PHACTR3: variants seen among roughly 807,000 people sequenced by gnomAD.
The protein encoded by PHACTR3 is phosphatase and actin regulator 3.
PHACTR3 carries 16 observed loss-of-function variants against 66.8 expected under a neutral mutation model. The ratio of observed to expected loss-of-function variants is 0.24; its 90% CI spans 0.16 to 0.36. PHACTR3 has a LOEUF of 0.36. PHACTR3 is among the 10% of genes least tolerant of loss of function. The probability of loss-of-function intolerance (pLI) is 1.00; values close to 1 mark genes in which losing one functional copy is unlikely to be tolerated. For missense variants in PHACTR3, 647 were observed against 719.9 expected, an observed-to-expected ratio of 0.90 and a Z score of 1.16; for synonymous variants, 323 against 292.1, an observed-to-expected ratio of 1.11 and a Z score of -1.08.
intron 1 of PHACTR3, among the ~76,000 whole-genome samples, chr20:59,651,254 T>G (rs2035449363): frequency 6.6e-6 from 1 of 152,146 alleles, no homozygotes; most frequent in South Asian, 2.1e-4. Flanking sequence ...AAATACATCC[T>G]CCCATTACAT....
chr20:59,636,783 A>G (rs1035339975), intron 1 of PHACTR3, among the ~76,000 whole-genome samples: 2 of 152,236 alleles, frequency 1.3e-5, no homozygotes, highest in African/African-American at 4.8e-5. Context: ...ATGATTATTA[A>G]TACAGTGATG....
Position 59,847,142 on chromosome 20 carries a change from T to C in PHACTR3, c.*12T>C. The C allele has an allele frequency of 6.6e-7, 1 of 1,513,728 alleles. No individual in the cohort carries two copies. The highest frequency in any genetic ancestry group is 9.1e-7 in the Non-Finnish European group (1 of 1,095,210). 93.8% of individuals were successfully genotyped at this position (1,513,728 alleles called of 1,614,324 possible). A position where few individuals can be genotyped will look rare whatever the true frequency, so the allele number is the denominator to read the frequency against. On this transcript the variant is annotated 3_prime_UTR_variant, in exon 13 of 13. Coordinates refer to ENST00000371015, the MANE Select transcript of PHACTR3 (RefSeq NM_080672.5). ...TCCACAGGCCATAGAGATTTTCTTC[T>C]GAGAAGAATTTGTGTTTAATTTTTT... is the stretch of plus-strand genomic sequence containing the variant.
chr20:59,774,459 C>T lies in PHACTR3; in HGVS notation c.1143C>T (p.Asp381=), dbSNP rs142106796. ...AAGACGACTTGCTTTTGTATCAGGA[C>T]GAGGAGGCGCTGAACGACTCCATTA... is the stretch of plus-strand genomic sequence containing the variant. The part of the protein sequence containing the change: ...ELKDDLLLYQ[D]EEALNDSIIS... The change falls in exon 7 of 13, where the codon GAC becomes GAT. Residue 381 remains aspartate, a synonymous_variant. Transcript: ENST00000371015. The T allele has an allele frequency of 9.0e-5, 146 of 1,613,854 alleles. No homozygotes were observed. Among genetic ancestry groups the T allele is most frequent in the African/African-American group, 2.5e-4 (19 of 75,002 alleles).
rs370056515 is a variant in PHACTR3 at position 59,673,009 on chromosome 20, T to C, written c.118+67877T>C. ...AGAGCCCAGAGGAGTTGCCTGCAGG[T>C]TGGATGTGTCTGTTACGGTGAGCTG... On this transcript the variant is annotated intron_variant, in intron 1 of 12. Coordinates refer to ENST00000371015, the MANE Select transcript of PHACTR3 (RefSeq NM_080672.5). Among the ~76,000 whole-genome samples, 8 of 152,078 alleles carry C rather than the reference T, an allele frequency of 5.3e-5. 1 individual carries two copies. In the East Asian group the frequency reaches 1.4e-3, roughly 26 times the overall value.
chr20:59,688,070 C>A (rs1014894577), intron 1 of PHACTR3, among the ~76,000 whole-genome samples: 1 of 152,206 alleles, frequency 6.6e-6, no homozygotes, highest in African/African-American at 2.4e-5. Flanking sequence ...AATGGAATTA[C>A]ACTGACTTGT....
chr20:59,599,419 G>A (rs986694194), intron 1 of PHACTR3, among the ~76,000 whole-genome samples: 20 of 152,118 alleles, frequency 1.3e-4, no homozygotes, highest in Middle Eastern at 3.2e-3. Flanking sequence ...ATAAGAAGAC[G>A]GCGGAATTGA....
intron 7 of PHACTR3, among the ~76,000 whole-genome samples, chr20:59,781,070 A>G (rs1248774983): frequency 5.9e-5 from 9 of 152,300 alleles, no homozygotes; most frequent in Admixed American, 2.0e-4. Flanking sequence ...CAGTTTGTCA[A>G]TGTTCCGTAG....
At chr20:59,592,687 C>G (rs1419109415) in intron 1 of PHACTR3, among the ~76,000 whole-genome samples, 1 of 152,202 alleles carries the variant, frequency 6.6e-6, no homozygotes, top group Non-Finnish European at 1.5e-5. Context: ...ATCCACTCAT[C>G]TTTTTATTGT....
chr20:59,781,382 C>A (rs893173761), intron 7 of PHACTR3, among the ~76,000 whole-genome samples: 1 of 152,214 alleles, frequency 6.6e-6, no homozygotes, highest in Non-Finnish European at 1.5e-5. Context: ...GGGTAACCCA[C>A]GGCGCCCAGC....
intron 2 of PHACTR3, among the ~76,000 whole-genome samples, chr20:59,746,466 T>C (rs1403941010): frequency 1.3e-5 from 2 of 152,346 alleles, no homozygotes; most frequent in Admixed American, 1.3e-4. Context: ...GTAAGGGGTT[T>C]CCATAGATTG....
Position 59,820,622 on chromosome 20 carries a change from G to C in PHACTR3, c.1328+14428G>C, listed in dbSNP as rs2042007014. The stretch of plus-strand genomic sequence containing the variant: ...TGGGTCCCGAGTCCCATCCTGTGCA[G>C]GGGAGAGGCTCAGGCCCCTTCTGTG... On this transcript the variant is annotated intron_variant, in intron 8 of 12. Coordinates refer to ENST00000371015, the MANE Select transcript of PHACTR3 (RefSeq NM_080672.5). This position sits in a 1 kb window ranked among gnomAD's most constrained non-coding sequence, Gnocchi z 4.6. Among the ~76,000 whole-genome samples, 3 of 152,212 alleles carry C rather than the reference G, an allele frequency of 2.0e-5. No homozygotes were observed. The highest frequency in any genetic ancestry group is 2.0e-4 in the Admixed American group (3 of 15,292).
chr20:59,736,044 G>C lies in PHACTR3; in HGVS notation c.119-7063G>C, dbSNP rs1246564953. Among the ~76,000 whole-genome samples the C allele has an allele frequency of 1.3e-5, 2 of 152,096 alleles. No homozygotes were observed. Among genetic ancestry groups the C allele is most frequent in the Non-Finnish European group, 2.9e-5 (2 of 68,004 alleles). On this transcript the variant is annotated intron_variant, in intron 1 of 12. Transcript: ENST00000371015. This position sits in a 1 kb window ranked among gnomAD's most constrained non-coding sequence, Gnocchi z 4.6. ...TATACCAGCTACTGTGAGCCTGAGAGAGGCCTGGGAGAGGGCTGGCTGGAG... is the reference window on the plus strand; with the variant it reads ...TATACCAGCTACTGTGAGCCTGAGACAGGCCTGGGAGAGGGCTGGCTGGAG...
chr20:59,804,704 T>C (rs2041511641), intron 7 of PHACTR3, among the ~76,000 whole-genome samples: 1 of 152,236 alleles, frequency 6.6e-6, no homozygotes, highest in Non-Finnish European at 1.5e-5. Flanking sequence ...TGAAATGATT[T>C]TCAGAGTTGT....
At chr20:59,743,822 T>A (rs1192903583) in intron 2 of PHACTR3, among the ~76,000 whole-genome samples, 3 of 152,170 alleles carry the variant, frequency 2.0e-5, no homozygotes, top group Admixed American at 6.5e-5. Flanking sequence ...CTCTTCTTCC[T>A]GAAAGACAGA....
intron 2 of PHACTR3, among the ~76,000 whole-genome samples, chr20:59,747,139 G>A (rs576661837): frequency 2.0e-5 from 3 of 152,374 alleles, no homozygotes; most frequent in African/African-American, 7.2e-5. Flanking sequence ...AGGGGAGGCA[G>A]AAAGGGCTAT....
intron 7 of PHACTR3, among the ~76,000 whole-genome samples, chr20:59,800,884 AGCTCAACAGCTAACTC>A (rs568867249): frequency 1.3e-5 from 2 of 152,234 alleles, no homozygotes; most frequent in Admixed American, 1.3e-4. Context: ...TTATTGAGTT[AGCTCAACAGCTAACTC>A]CCATTCCAGA....
chr20:59,639,013 G>T (rs148243764), intron 1 of PHACTR3, among the ~76,000 whole-genome samples: 1 of 150,764 alleles, frequency 6.6e-6, no homozygotes, highest in East Asian at 2.0e-4. Context: ...TAGGTGGGTG[G>T]GTGGATGGGT....
chr20:59,621,848 G>A (rs908146947), intron 1 of PHACTR3, among the ~76,000 whole-genome samples: 2 of 152,202 alleles, frequency 1.3e-5, no homozygotes, highest in African/African-American at 4.8e-5. Flanking sequence ...CACTTAATTT[G>A]TCTTTCCTCT....
chr20:59,696,945 A>G (rs1374193935), intron 1 of PHACTR3, among the ~76,000 whole-genome samples: 1 of 152,212 alleles, frequency 6.6e-6, no homozygotes, highest in Admixed American at 6.5e-5. Flanking sequence ...GACTGAATCT[A>G]TTGGTGATGA....
Sources: allele counts gnomAD v4.1 joint callset (sites outside exome capture counted in the v4.1 genomes callset), GRCh38; gene constraint gnomAD v4.1.1; non-coding constraint Gnocchi (gnomAD v3.1); transcripts MANE v1.5; gene names NCBI Gene and HGNC (gene_info 2026-07-23, HGNC 2026-07-21).